SLC16A1: variants seen among roughly 807,000 people sequenced by gnomAD.
SLC16A1 encodes the protein monocarboxylate transporter 1.
SLC16A1 carries 11 observed loss-of-function variants against 32.2 expected under a neutral mutation model. The observed-to-expected ratio is 0.34, with a 90% confidence interval of 0.21 to 0.56. The LOEUF is 0.56. SLC16A1 is among the 20% of genes least tolerant of loss of function. The probability of loss-of-function intolerance (pLI) is 0.87; values close to 1 mark genes in which losing one functional copy is unlikely to be tolerated. For synonymous variants in SLC16A1, 231 were observed against 226.8 expected (o/e 1.02, Z -0.17); for missense variants, 435 against 615.0 (o/e 0.71, Z 3.10).
At chr1:112,922,553 C>T (rs189952808) in intron 2 of SLC16A1, among the ~76,000 whole-genome samples, 20 of 152,196 alleles carry the variant, frequency 1.3e-4, no homozygotes, top group Admixed American at 1.2e-3. Flanking sequence ...GCAGGTGGAT[C>T]ACCCGAGGTC....
intron 4 of SLC16A1, among the ~76,000 whole-genome samples, chr1:112,915,021 C>T (rs1287269243): frequency 2.0e-5 from 3 of 152,188 alleles, no homozygotes; most frequent in East Asian, 3.8e-4. Context: ...TATGCTTAAA[C>T]AGGACTTAAT....
chr1:112,916,496 TAAAAAAA>T (rs570173297), intron 4 of SLC16A1, among the ~76,000 whole-genome samples: 7 of 61,202 alleles, frequency 1.1e-4, no homozygotes, highest in African/African-American at 2.6e-4. Flanking sequence ...AAGACTGTCT[TAAAAAAA>T]AAAAAAAAAA....
intron 1 of SLC16A1, among the ~76,000 whole-genome samples, chr1:112,938,337 T>TC: frequency 6.6e-6 from 1 of 152,310 alleles, no homozygotes; most frequent in East Asian, 1.9e-4. Context: ...TAATGCAGCT[T>TC]CATGGTTTAC....
intron 1 of SLC16A1, among the ~76,000 whole-genome samples, chr1:112,940,090 C>T (rs1419181654): frequency 1.4e-5 from 2 of 146,552 alleles, no homozygotes; most frequent in East Asian, 2.0e-4. Context: ...CTGTGTCACC[C>T]AGGCTGGAGT....
intron 2 of SLC16A1, among the ~76,000 whole-genome samples, chr1:112,926,962 T>C (rs1648962761): frequency 6.7e-6 from 1 of 149,906 alleles, no homozygotes; most frequent in Non-Finnish European, 1.5e-5. Flanking sequence ...AGACCCCATC[T>C]CTACTTAACA....
At chr1:112,950,269 C>T (rs914281943) in intron 1 of SLC16A1, among the ~76,000 whole-genome samples, 4 of 152,142 alleles carry the variant, frequency 2.6e-5, no homozygotes, top group African/African-American at 7.2e-5. Context: ...CAATAAAGTA[C>T]AAACATAAGT....
intron 1 of SLC16A1, among the ~76,000 whole-genome samples, chr1:112,947,597 A>G (rs961213345): frequency 6.6e-6 from 1 of 152,228 alleles, no homozygotes; most frequent in Non-Finnish European, 1.5e-5. Context: ...ACAAAGTAAT[A>G]TAACATTTCA....
chr1:112,918,828 CAT>C (rs1648609401), intron 3 of SLC16A1, among the ~76,000 whole-genome samples: 1 of 151,970 alleles, frequency 6.6e-6, no homozygotes, highest in Non-Finnish European at 1.5e-5. Flanking sequence ...AAAGAAATAA[CAT>C]ATAGTACAAA....
chr1:112,923,657 G>T (rs1648822548), intron 2 of SLC16A1: 1 of 1,489,150 alleles, frequency 6.7e-7, no homozygotes, highest in Non-Finnish European at 9.4e-7. Flanking sequence ...AGTGGCTGCA[G>T]TGTCCCCGAG....
chr1:112,912,851 C>G lies in SLC16A1; in HGVS notation c.*1040G>C, dbSNP rs1648370790. 6.6e-6 allele frequency: 1 copy of G among 150,954 alleles called. No homozygotes were observed. The highest frequency in any genetic ancestry group is 2.4e-5 in the African/African-American group (1 of 41,136). 9.4% of individuals were successfully genotyped at this position (150,954 alleles called of 1,614,324 possible). ...ACAAAAACACCAAACACACACATAT[C>G]TCACACATAGCACTAAGCTAGAAGC... On this transcript the variant is annotated 3_prime_UTR_variant, in exon 5 of 5. Coordinates refer to ENST00000369626, the MANE Select transcript of SLC16A1 (RefSeq NM_003051.4).
chr1:112,923,419 C>T (rs1648811177), intron 2 of SLC16A1: 7 of 662,580 alleles, frequency 1.1e-5, no homozygotes, highest in South Asian at 9.7e-5. Flanking sequence ...CTGTTGCCGC[C>T]ATCATGTCCC....
intron 1 of SLC16A1, among the ~76,000 whole-genome samples, chr1:112,931,973 A>G (rs944291113): frequency 2.6e-5 from 4 of 152,184 alleles, no homozygotes; most frequent in African/African-American, 9.6e-5. Flanking sequence ...TTCACTCTTG[A>G]CTACCATGTT....
chr1:112,917,158 A>G lies in SLC16A1; in HGVS notation c.1228+20T>C, dbSNP rs758596323. On this transcript the variant is annotated intron_variant, in intron 4 of 4. Coordinates refer to ENST00000369626, the MANE Select transcript of SLC16A1 (RefSeq NM_003051.4). The surrounding 1 kb of genome is among the most constrained non-coding windows in gnomAD (Gnocchi z 4.1). ...GCTTGTTTTGTAATAGACCCACATT[A>G]GTAGGGAGATATACTATACCTAAAA... is the stretch of plus-strand genomic sequence containing the variant. 2 of 1,614,088 alleles carry G rather than the reference A, an allele frequency of 1.2e-6. No homozygotes were observed. The highest frequency in any genetic ancestry group is 1.7e-5 in the Admixed American group (1 of 60,002).
At chr1:112,930,654 C>T (rs1649095006) in intron 1 of SLC16A1, among the ~76,000 whole-genome samples, 1 of 151,934 alleles carries the variant, frequency 6.6e-6, no homozygotes, top group Non-Finnish European at 1.5e-5. Flanking sequence ...ACTTAGATAA[C>T]CAAATGCCCC....
In SLC16A1 at chr1:112,938,757, G is replaced by A. The variant is rs138714991; in HGVS notation, c.-44-9405C>T. Among the ~76,000 whole-genome samples, 48 of 151,990 alleles carry A rather than the reference G, an allele frequency of 3.2e-4. No homozygotes were observed. The East Asian group carries it at 7.1e-3, about 23-fold the overall frequency. On this transcript the variant is annotated intron_variant, in intron 1 of 4. Transcript: ENST00000369626. ...TTTCAGAATTCTGTTTATGATAATT[G>A]ATTTTAGACCTTGCTTTTAATTCAT...
intron 4 of SLC16A1, among the ~76,000 whole-genome samples, chr1:112,915,522 A>G (rs961803774): frequency 5.3e-5 from 8 of 152,168 alleles, no homozygotes; most frequent in Non-Finnish European, 1.0e-4. Context: ...TTTCACCCTG[A>G]AAGTAATGGG....
chr1:112,921,637 A>C (rs764040991), intron 3 of SLC16A1, among the ~76,000 whole-genome samples: 6 of 152,166 alleles, frequency 3.9e-5, no homozygotes, highest in Non-Finnish European at 5.9e-5. Flanking sequence ...GGAATTATGA[A>C]GCGTATCCTC....
chr1:112,924,441 T>G, intron 2 of SLC16A1: 1 of 853,276 alleles, frequency 1.2e-6, no homozygotes, highest in East Asian at 2.6e-5. Context: ...TTCTTAGGGA[T>G]GGAAGTATTT....
At chr1:112,924,301 C>T (rs1648855772) in intron 2 of SLC16A1, 2 of 1,410,726 alleles carry the variant, frequency 1.4e-6, no homozygotes, top group African/African-American at 2.8e-5. Flanking sequence ...TTTAATCAAG[C>T]CTGGCAATTG....
Sources: gnomAD v4.1 joint callset for allele counts (sites outside exome capture counted in the v4.1 genomes callset) on GRCh38, gnomAD v4.1.1 for gene constraint, Gnocchi (gnomAD v3.1) non-coding constraint, MANE v1.5 for transcripts, NCBI Gene and HGNC (gene_info 2026-07-23, HGNC 2026-07-21) for gene names.